The following NOTCH1 variants were observed in gnomAD, a reference collection of about 807,000 sequenced individuals.
The protein encoded by NOTCH1 is neurogenic locus notch homolog protein 1.
In NOTCH1, 37 loss-of-function variants were observed where a neutral mutation model predicts 254.8. The ratio of observed to expected loss-of-function variants is 0.15; its 90% confidence interval spans 0.11 to 0.19. The LOEUF is 0.19. Ranked by LOEUF, NOTCH1 falls within the 10% of genes least tolerant of loss-of-function variation. The probability of loss-of-function intolerance (pLI) is 1.00; values close to 1 mark genes in which losing one functional copy is unlikely to be tolerated. For synonymous variants in NOTCH1, 1,731 were observed against 1,618.1 expected (o/e 1.07, Z -1.68); for missense variants, 2,972 against 3,708.6 (o/e 0.80, Z 5.16).
chr9:136,502,944 G>A (rs1157873706), intron 27 of NOTCH1: 1 of 694,774 alleles, frequency 1.4e-6, no homozygotes, highest in Non-Finnish European at 2.6e-6. Context: ...GGGGAGAGAA[G>A]CAGGCACCCA....
rs1589072528 is a variant in NOTCH1, at chr9:136,523,744, T to C, written c.376A>G (p.Lys126Glu). ...GACCAGCCGGGCGGGCAGCGGCACT[T>C]GTACTCCGTCAGCGTGAGCAGGTCG... is the stretch of plus-strand genomic sequence containing the variant. Reference protein sequence around the residue: ...TCDLLTLTEYKCRCPPGWSGK... With the variant: ...TCDLLTLTEYECRCPPGWSGK... The change falls in exon 3 of 34, where the codon AAG (lysine) becomes GAG (glutamate). Residue 126 changes from lysine (K) to glutamate (E), a missense_variant. Physicochemically the swap from Lys to Glu is moderately conservative, Grantham distance 56 (BLOSUM62 1). Transcript: ENST00000651671. The C allele has an allele frequency of 1.2e-6, 2 of 1,610,304 alleles. No individual in the cohort carries two copies. The highest frequency in any genetic ancestry group is 8.5e-7 in the Non-Finnish European group (1 of 1,179,350).
At chr9:136,505,995 G>A (rs533424774) in intron 24 of NOTCH1, 114 bp from the exon 25 acceptor site, 29 of 926,500 alleles carry the variant, frequency 3.1e-5, no homozygotes, top group South Asian at 2.8e-4. Flanking sequence ...CCTGGGAGGC[G>A]GCCTGCAACC....
In NOTCH1 at chr9:136,495,746, C is replaced by A. The variant is rs972019413; in HGVS notation, c.*325G>T. On this transcript the variant is annotated 3_prime_UTR_variant, in exon 34 of 34. Transcript: ENST00000651671. ...TAAATGGCATTTATAAATCATGAAT[C>A]TTTGTTTATATTTTATAAACACAGA... The A allele has an allele frequency of 4.9e-6, 2 of 410,682 alleles. No individual in the cohort carries two copies. The highest frequency in any genetic ancestry group is 8.6e-6 in the Non-Finnish European group (2 of 232,368). The allele number at this position is 410,682 out of a possible 1,614,324, so 25.4% of individuals were successfully genotyped here. A position where few individuals can be genotyped will look rare whatever the true frequency, so the allele number is the denominator to read the frequency against.
Position 136,494,969 on chromosome 9 carries a change from G to T in NOTCH1, c.*1102C>A. ...CAGGGCTGCGGGGACAGGACCAAAG[G>T]ACGCAGCCCACGGCGTTGCACAGCT... is the stretch of plus-strand genomic sequence containing the variant. On this transcript the variant is annotated 3_prime_UTR_variant, in exon 34 of 34. Coordinates refer to ENST00000651671, the MANE Select transcript of NOTCH1 (RefSeq NM_017617.5). 1 of 398,870 alleles carries T rather than the reference G, an allele frequency of 2.5e-6. No homozygotes were observed. Among genetic ancestry groups the T allele is most frequent in the Non-Finnish European group, 4.4e-6 (1 of 226,008 alleles). The allele number at this position is 398,870 out of a possible 1,614,324, so 24.7% of individuals were successfully genotyped here. A position where few individuals can be genotyped will look rare whatever the true frequency, so the allele number is the denominator to read the frequency against.
At position 136,510,665 on chromosome 9, in the gene NOTCH1, C is replaced by A. The variant is rs765293859; in HGVS notation, c.2728G>T (p.Asp910Tyr). ...SGRNCETDID[D>Y]CRPNPCHNGG... Reference sequence around the variant, plus strand: ...CGGGGCTACTCACTGGGCCGGCAGTCGTCGATGTCGGTCTCGCAGTTGCGC... The same window carrying A: ...CGGGGCTACTCACTGGGCCGGCAGTAGTCGATGTCGGTCTCGCAGTTGCGC... The change falls in exon 17 of 34, where the codon GAC becomes TAC. Residue 910 changes from aspartate to tyrosine, a missense_variant. Physicochemically the swap from Asp to Tyr is radical, Grantham distance 160 (BLOSUM62 -3). Around this residue, in one of 8 missense-constraint regions of NOTCH1, gnomAD observed 1,343 missense variants for 1,557.0 expected, o/e 0.86. Transcript: ENST00000651671. 2 of 1,606,842 alleles carry A rather than the reference C, an allele frequency of 1.2e-6. No homozygotes were observed. The highest frequency in any genetic ancestry group is 2.2e-5 in the South Asian group (2 of 90,812).
chr9:136,534,233 G>A (rs899571856), intron 2 of NOTCH1, among the ~76,000 whole-genome samples: 1 of 152,192 alleles, frequency 6.6e-6, no homozygotes, highest in Non-Finnish European at 1.5e-5. Flanking sequence ...GGGCGAGACT[G>A]GCCTCCTGTG....
chr9:136,509,535 C>T (rs1163131821), intron 18 of NOTCH1, among the ~76,000 whole-genome samples, 198 bp downstream of exon 18: 5 of 152,168 alleles, frequency 3.3e-5, no homozygotes, highest in Admixed American at 2.0e-4. Flanking sequence ...GCTCCTGGTG[C>T]GGGACACAGG....
chr9:136,530,190 CGGGGCCA>C (rs1843537563), intron 2 of NOTCH1, among the ~76,000 whole-genome samples: 1 of 152,216 alleles, frequency 6.6e-6, no homozygotes, highest in South Asian at 2.1e-4. Flanking sequence ...GGGTCTGAGC[CGGGGCCA>C]GGCTTTCCGG....
At position 136,508,177 on chromosome 9, in the gene NOTCH1, C is replaced by A. The variant is rs779105594; in HGVS notation, c.3326-38G>T. On this transcript the variant is annotated intron_variant, in intron 20 of 33. Transcript: ENST00000651671. ...GGGTGGTAGACAGGTGAGGCCCAGGCCCACAGAGGACCTTGATGGGCTGGG... is the reference window on the plus strand; with the variant it reads ...GGGTGGTAGACAGGTGAGGCCCAGGACCACAGAGGACCTTGATGGGCTGGG... 1.9e-6 allele frequency: 3 copies of A among 1,608,522 alleles called. No homozygotes were observed. In the Admixed American group the frequency reaches 5.0e-5, roughly 27 times the overall value.
At chr9:136,512,759 TG>T (rs1206660461) in intron 15 of NOTCH1, among the ~76,000 whole-genome samples, 1 of 152,206 alleles carries the variant, frequency 6.6e-6, no homozygotes, top group East Asian at 1.9e-4. Flanking sequence ...CCAGGCATCC[TG>T]TATCTTTGCT....
At chr9:136,520,220 G>A (rs556154125) in intron 4 of NOTCH1, among the ~76,000 whole-genome samples, 58 of 152,228 alleles carry the variant, frequency 3.8e-4, no homozygotes, top group African/African-American at 1.0e-3. Context: ...AGGCGCGTTC[G>A]GCAACAGCCA....
intron 2 of NOTCH1, among the ~76,000 whole-genome samples, chr9:136,524,590 G>GA (rs1255980855): frequency 6.6e-6 from 1 of 151,940 alleles, no homozygotes; most frequent in Non-Finnish European, 1.5e-5. Context: ...GGCAGCCACG[G>GA]AAAGTGTGGA....
At position 136,518,300 on chromosome 9, in the gene NOTCH1, G is replaced by A. The variant is rs545088400; in HGVS notation, c.1100-8C>T. ...TGAGGTGGCACAGCAGACCTGGGCA[G>A]GCAGCGGCGGTCAGTGGGCACGGCC... On this transcript the variant is annotated splice_region_variant and splice_polypyrimidine_tract_variant and intron_variant, in intron 6 of 33. Transcript: ENST00000651671. The A allele has an allele frequency of 2.4e-4, 392 of 1,608,106 alleles. No homozygotes were observed. Among genetic ancestry groups the A allele is most frequent in the Admixed American group, 1.8e-3 (110 of 59,586 alleles).
In NOTCH1 at chr9:136,506,945, G is replaced by C. The variant is rs1195787179; in HGVS notation, c.3672C>G (p.Asp1224Glu). 6.2e-7 allele frequency: 1 copy of C among 1,610,348 alleles called. No homozygotes were observed. Among genetic ancestry groups the C allele is most frequent in the South Asian group, 1.1e-5 (1 of 90,716 alleles). The change falls in exon 23 of 34, where the codon GAC (aspartate) becomes GAG (glutamate). Residue 1224 changes from aspartate to glutamate, a missense_variant. Around this residue, in one of 8 missense-constraint regions of NOTCH1, gnomAD observed 1,343 missense variants for 1,557.0 expected, o/e 0.86. Transcript: ENST00000651671. This position sits in a 1 kb window ranked among gnomAD's most constrained non-coding sequence, Gnocchi z 4.5. Reference protein sequence around the residue: ...QGVHCEINVDDCNPPVDPVSR... With the variant: ...QGVHCEINVDECNPPVDPVSR... Reference sequence around the variant, plus strand: ...ACACGGGGTCAACGGGGGGATTGCAGTCGTCCACGTTGATCTCACAGTGCA... The same window carrying C: ...ACACGGGGTCAACGGGGGGATTGCACTCGTCCACGTTGATCTCACAGTGCA...
chr9:136,499,843 G>A (rs1039978124), intron 31 of NOTCH1, among the ~76,000 whole-genome samples: 12 of 152,210 alleles, frequency 7.9e-5, no homozygotes, highest in African/African-American at 2.9e-4. Context: ...CACCAAACCC[G>A]CACGGGGCTC....
intron 10 of NOTCH1, 61 bp downstream of exon 10, chr9:136,515,920 A>C: frequency 9.3e-6 from 13 of 1,396,330 alleles, no homozygotes; most frequent in Non-Finnish European, 1.3e-5. Context: ...TGTCAGTTTC[A>C]CTGCCCTGAG....
chr9:136,536,226 C>T (rs998322527), intron 2 of NOTCH1, among the ~76,000 whole-genome samples: 2 of 152,218 alleles, frequency 1.3e-5, no homozygotes, highest in African/African-American at 4.8e-5. Context: ...CCCCAGCTGC[C>T]TGCAGACAGG....
chr9:136,507,392 C>T lies in NOTCH1; in HGVS notation c.3556G>A (p.Glu1186Lys), dbSNP rs1013688544. 4.3e-6 allele frequency: 7 copies of T among 1,611,592 alleles called. No individual in the cohort carries two copies. The highest frequency in any genetic ancestry group is 3.3e-5 in the South Asian group (3 of 90,870). The change falls in exon 22 of 34, where the codon GAG (glutamate) becomes AAG (lysine). Residue 1186 changes from glutamate to lysine, a missense_variant. By Grantham distance (56) the Glu-to-Lys change is moderately conservative. This residue lies in a region of NOTCH1 where 1,343 missense variants were observed against 1,557.0 expected (regional missense o/e 0.86). Coordinates refer to ENST00000651671, the MANE Select transcript of NOTCH1 (RefSeq NM_017617.5). Reference protein sequence around the residue: ...HGVNCSEEIDECLSHPCQNGG... With the variant: ...HGVNCSEEIDKCLSHPCQNGG... ...TTCTGGCAGGGGTGGGAGAGGCACT[C>T]GTCGATCTCCTCAGAGCAGTTCACC... is the stretch of plus-strand genomic sequence containing the variant.
intron 33 of NOTCH1, among the ~76,000 whole-genome samples, chr9:136,498,045 GGCT>G (rs201080028): frequency 0.015 from 2,340 of 152,304 alleles, 43 homozygotes; most frequent in Middle Eastern, 0.054. Context: ...GTCTGGGTGA[GGCT>G]GCTGTGTGGG....
Sources: gnomAD v4.1 joint callset for allele counts (sites outside exome capture counted in the v4.1 genomes callset) on GRCh38, gnomAD v4.1.1 for gene constraint, gnomAD v4.1.1 regional missense constraint, Gnocchi (gnomAD v3.1) non-coding constraint, MANE v1.5 for transcripts, NCBI Gene and HGNC (gene_info 2026-07-23, HGNC 2026-07-21) for gene names.